GRM8: variants seen among roughly 807,000 people sequenced by gnomAD.
The protein encoded by GRM8 is metabotropic glutamate receptor 8.
A neutral mutation model predicts 87.2 loss-of-function variants in GRM8; 47 were observed. The observed-to-expected ratio is 0.54, with a 90% CI of 0.43 to 0.69. The LOEUF is 0.69. Among genes scored for constraint, GRM8 ranks in the 30% least tolerant of loss-of-function variants. The pLI, the probability that GRM8 is intolerant of heterozygous loss-of-function variation, is 0.00. For missense variants in GRM8, 1,019 were observed against 1,139.2 expected (o/e 0.89, Z 1.52); for synonymous variants, 396 against 404.5 (o/e 0.98, Z 0.25).
At chr7:126,909,057 A>C (rs1490803591) in intron 3 of GRM8, among the ~76,000 whole-genome samples, 1 of 152,220 alleles carries the variant, frequency 6.6e-6, no homozygotes, top group Non-Finnish European at 1.5e-5. Context: ...ACTATGTTTC[A>C]GGAGCTACAG....
At chr7:126,887,498 A>G (rs1052764668) in intron 6 of GRM8, among the ~76,000 whole-genome samples, 15 of 152,008 alleles carry the variant, frequency 9.9e-5, no homozygotes, top group African/African-American at 3.6e-4. Context: ...AGATATTGAG[A>G]ACAGCAATGA....
intron 2 of GRM8, among the ~76,000 whole-genome samples, chr7:127,172,868 A>C (rs1295184702): frequency 6.6e-6 from 1 of 152,218 alleles, no homozygotes; most frequent in African/African-American, 2.4e-5. Context: ...TTGTACCAAC[A>C]TGCTTTCTGG....
chr7:126,781,995 T>A (rs1820127740), intron 6 of GRM8, among the ~76,000 whole-genome samples: 1 of 152,198 alleles, frequency 6.6e-6, no homozygotes, highest in Admixed American at 6.5e-5. Flanking sequence ...ATTATAGGCA[T>A]GAGCCACTGC....
chr7:126,695,304 C>A (rs1809259688), intron 7 of GRM8, among the ~76,000 whole-genome samples: 1 of 152,132 alleles, frequency 6.6e-6, no homozygotes, highest in Non-Finnish European at 1.5e-5. Context: ...TACCTACTTT[C>A]TTCCAAGAAC....
chr7:126,741,262 C>T (rs374113708), intron 7 of GRM8, among the ~76,000 whole-genome samples: 1 of 151,804 alleles, frequency 6.6e-6, no homozygotes, highest in African/African-American at 2.4e-5. Context: ...GTTCAGTGTT[C>T]CCGAGTTGAT....
chr7:126,750,732 G>A (rs185679042), intron 7 of GRM8, among the ~76,000 whole-genome samples: 4 of 152,136 alleles, frequency 2.6e-5, no homozygotes, highest in Admixed American at 2.0e-4. Context: ...CACTTAGAGA[G>A]AACTAGTCTG....
intron 6 of GRM8, among the ~76,000 whole-genome samples, chr7:126,839,969 C>T (rs1796126865): frequency 6.6e-6 from 1 of 152,152 alleles, no homozygotes; most frequent in Admixed American, 6.5e-5. Context: ...TCTAGAGATA[C>T]TAACTGCTTA....
intron 9 of GRM8, among the ~76,000 whole-genome samples, chr7:126,524,861 A>G (rs969588614): frequency 6.6e-6 from 1 of 152,006 alleles, no homozygotes; most frequent in African/African-American, 2.4e-5. Flanking sequence ...AGCCACTTGC[A>G]TGTGTGTGTA....
At chr7:126,957,958 C>G (rs1156655053) in intron 3 of GRM8, among the ~76,000 whole-genome samples, 2 of 152,286 alleles carry the variant, frequency 1.3e-5, no homozygotes, top group Non-Finnish European at 2.9e-5. Context: ...CCAACCAGCA[C>G]ACACTTCCTC....
At chr7:127,198,310 C>T (rs373511035) in intron 2 of GRM8, among the ~76,000 whole-genome samples, 4 of 152,274 alleles carry the variant, frequency 2.6e-5, no homozygotes, top group African/African-American at 4.8e-5. Flanking sequence ...ATAAGATGCA[C>T]ATAAACTGGA....
At chr7:126,448,827 C>T (rs1802301077) in intron 9 of GRM8, among the ~76,000 whole-genome samples, 2 of 151,772 alleles carry the variant, frequency 1.3e-5, no homozygotes, top group East Asian at 3.9e-4. Context: ...TAAGTGGGAG[C>T]TAAATGATAA....
At chr7:127,191,685 G>A (rs1013731793) in intron 2 of GRM8, among the ~76,000 whole-genome samples, 1 of 152,146 alleles carries the variant, frequency 6.6e-6, no homozygotes, top group Non-Finnish European at 1.5e-5. Flanking sequence ...AATTGCTTGT[G>A]TACTACCAGC....
At chr7:126,675,357 A>T (rs1292813911) in intron 7 of GRM8, among the ~76,000 whole-genome samples, 1 of 152,192 alleles carries the variant, frequency 6.6e-6, no homozygotes, top group Non-Finnish European at 1.5e-5. Context: ...ATTTCAAAAG[A>T]TTGAGAAGGA....
At chr7:126,927,921 TG>T (rs1349388707) in intron 3 of GRM8, among the ~76,000 whole-genome samples, 21 of 152,214 alleles carry the variant, frequency 1.4e-4, no homozygotes, top group Admixed American at 1.3e-4. Context: ...TGTACATGTA[TG>T]TTTATTGTGG....
In GRM8 at chr7:127,150,781, T is replaced by C. The variant is rs549558599; in HGVS notation, c.511-44069A>G. On this transcript the variant is annotated intron_variant, in intron 2 of 10. Coordinates refer to ENST00000339582, the MANE Select transcript of GRM8 (RefSeq NM_000845.3). ...GAGAGTAGAGTCTGTATGGGTCTTA[T>C]TACACAGTGTGGGCCCACCATTCTC... Among the ~76,000 whole-genome samples the C allele has an allele frequency of 7.2e-5, 11 of 152,130 alleles. No homozygotes were observed. The East Asian group carries it at 2.1e-3, about 30-fold the overall frequency.
At chr7:127,047,332 T>A (rs1819027678) in intron 3 of GRM8, among the ~76,000 whole-genome samples, 1 of 152,188 alleles carries the variant, frequency 6.6e-6, no homozygotes, top group Non-Finnish European at 1.5e-5. Flanking sequence ...ACTGCTCTTG[T>A]TACAACTTTC....
chr7:126,833,702 T>C (rs1192776674), intron 6 of GRM8, among the ~76,000 whole-genome samples: 1 of 152,156 alleles, frequency 6.6e-6, no homozygotes, highest in African/African-American at 2.4e-5. Context: ...CCCAAAGACC[T>C]TGCCTGCTAA....
intron 7 of GRM8, among the ~76,000 whole-genome samples, chr7:126,632,560 C>G (rs551659790): frequency 1.3e-5 from 2 of 152,086 alleles, no homozygotes; most frequent in Admixed American, 1.3e-4. Context: ...ATAAATTATT[C>G]TATTACAAAG....
At chr7:126,447,959 G>A (rs2150472364) in intron 9 of GRM8, among the ~76,000 whole-genome samples, 1 of 152,064 alleles carries the variant, frequency 6.6e-6, no homozygotes, top group East Asian at 1.9e-4. Flanking sequence ...CAATGAAATA[G>A]GGATGTGTAC....
Sources: allele counts gnomAD v4.1 joint callset (sites outside exome capture counted in the v4.1 genomes callset), GRCh38; gene constraint gnomAD v4.1.1; transcripts MANE v1.5; gene names NCBI Gene and HGNC (gene_info 2026-07-23, HGNC 2026-07-21).